Variants in ELP1 observed in about 807,000 individuals in gnomAD.
ELP1 encodes the protein elongator acetyltransferase complex subunit 1.
Under a neutral mutation model 183.2 loss-of-function variants are expected in ELP1, and 131 were observed. The ratio of observed to expected loss-of-function variants is 0.72; its 90% CI spans 0.62 to 0.83. The LOEUF is 0.83. Ranked by LOEUF, ELP1 falls within the 40% of genes least tolerant of loss-of-function variation. ELP1 has a pLI of 0.00. For missense variants in ELP1, 1,550 were observed against 1,594.9 expected (o/e 0.97, Z 0.48); for synonymous variants, 555 against 569.0 (o/e 0.98, Z 0.35).
At chr9:108,904,617 C>A (rs147281868) in intron 14 of ELP1, among the ~76,000 whole-genome samples, 56 of 152,274 alleles carry the variant, frequency 3.7e-4, no homozygotes, top group Middle Eastern at 3.4e-3. Context: ...AACTCTGGAG[C>A]TAGACTCGCT....
At chr9:108,929,423 T>G (rs1829924418) in intron 3 of ELP1, among the ~76,000 whole-genome samples, 1 of 152,070 alleles carries the variant, frequency 6.6e-6, no homozygotes, top group South Asian at 2.1e-4. Context: ...AAACAAAGAC[T>G]TCCTAAATTG....
chr9:108,883,332 T>A (rs530937335), intron 29 of ELP1, among the ~76,000 whole-genome samples: 1 of 152,258 alleles, frequency 6.6e-6, no homozygotes, highest in East Asian at 1.9e-4. Flanking sequence ...CCTGGCTAAT[T>A]GTGTTTTTAT....
At chr9:108,929,582 T>C (rs1344713048) in intron 3 of ELP1, among the ~76,000 whole-genome samples, 187 bp downstream of exon 3, 1 of 152,226 alleles carries the variant, frequency 6.6e-6, no homozygotes, top group East Asian at 1.9e-4. Context: ...CAAAACTCAG[T>C]TTTAGAAGAA....
intron 35 of ELP1, 76 bp from the exon 36 acceptor site, chr9:108,875,046 C>A: frequency 1.0e-6 from 1 of 962,670 alleles, no homozygotes; most frequent in South Asian, 1.3e-5. Context: ...GGCCAAATCC[C>A]TACCCCCAGA....
At chr9:108,877,900 T>A in intron 35 of ELP1, 95 bp downstream of exon 35, 1 of 1,308,558 alleles carries the variant, frequency 7.6e-7, no homozygotes, top group Non-Finnish European at 1.1e-6. Context: ...TCTTATGTTT[T>A]AAGAACAGGA....
At chr9:108,908,979 C>A (rs114457708) in intron 12 of ELP1, among the ~76,000 whole-genome samples, 1,747 of 152,184 alleles carry the variant, frequency 0.011, 41 homozygotes, top group African/African-American at 0.039. Context: ...ACAGGCACTT[C>A]GGTGGTTGCT....
intron 35 of ELP1, among the ~76,000 whole-genome samples, chr9:108,877,537 C>A (rs1827747331): frequency 6.6e-6 from 1 of 152,160 alleles, no homozygotes; most frequent in South Asian, 2.1e-4. Flanking sequence ...GCCTTAAACA[C>A]AACCCGCAAA....
intron 28 of ELP1, among the ~76,000 whole-genome samples, chr9:108,890,038 C>A (rs1408152571): frequency 1.3e-5 from 2 of 152,102 alleles, no homozygotes; most frequent in Non-Finnish European, 2.9e-5. Context: ...CCTACTTTTG[C>A]TAAACATCTG....
intron 10 of ELP1, among the ~76,000 whole-genome samples, chr9:108,912,934 G>A (rs1405269619): frequency 7.7e-6 from 1 of 129,938 alleles, no homozygotes; most frequent in Non-Finnish European, 1.7e-5. Context: ...TTTTTTTTTT[G>A]TATTTTTAGT....
chr9:108,922,800 T>C (rs778165111), intron 6 of ELP1, 42 bp downstream of exon 6: 69 of 1,486,560 alleles, frequency 4.6e-5, no homozygotes, highest in Non-Finnish European at 6.4e-5. Flanking sequence ...CAAACTTACA[T>C]TTGTTCCAGT....
intron 22 of ELP1, among the ~76,000 whole-genome samples, chr9:108,897,647 A>G (rs1828609143): frequency 6.6e-6 from 1 of 152,246 alleles, no homozygotes; most frequent in Admixed American, 6.5e-5. Flanking sequence ...GAATGAAAAC[A>G]GCTTTATGCA....
chr9:108,878,502 G>T (rs1827786087), intron 34 of ELP1, 121 bp downstream of exon 34: 1 of 1,329,706 alleles, frequency 7.5e-7, no homozygotes, highest in Admixed American at 1.7e-5. Flanking sequence ...CCTGCTAAAA[G>T]TTCTCATCTT....
intron 13 of ELP1, among the ~76,000 whole-genome samples, chr9:108,906,965 G>A (rs143561686): frequency 1.4e-4 from 22 of 152,218 alleles, no homozygotes; most frequent in African/African-American, 4.6e-4. Flanking sequence ...CCTGACCAGC[G>A]CACTGTTCTT....
rs150680614 is a variant in ELP1 at position 108,875,457 on chromosome 9, C to T, written c.3856-487G>A. On this transcript the variant is annotated intron_variant, in intron 35 of 36. Coordinates refer to ENST00000374647, the MANE Select transcript of ELP1 (RefSeq NM_003640.5). ...CTCCGCAGGAATTTCAAGCCTGCAG[C>T]GAGCCTCTGGGCACACCCCTGGTTA... Among the ~76,000 whole-genome samples the T allele has an allele frequency of 6.3e-4, 96 of 152,336 alleles. No homozygotes were observed. In the East Asian group the frequency reaches 0.015, roughly 24 times the overall value.
At chr9:108,894,151 C>A in intron 25 of ELP1, 85 bp from the exon 26 acceptor site, 1 of 768,196 alleles carries the variant, frequency 1.3e-6, no homozygotes. Flanking sequence ...AGCAATAAAC[C>A]CAAAGCTACA....
chr9:108,870,066 C>T (rs1827388325), intron 36 of ELP1, among the ~76,000 whole-genome samples: 1 of 152,124 alleles, frequency 6.6e-6, no homozygotes, highest in Non-Finnish European at 1.5e-5. Context: ...GCCTCGACCC[C>T]CTGGGTTCAA....
At chr9:108,878,248 C>A in intron 34 of ELP1, 99 bp from the exon 35 acceptor site, 1 of 930,590 alleles carries the variant, frequency 1.1e-6, no homozygotes, top group East Asian at 2.5e-5. Flanking sequence ...TTCTATGATC[C>A]CACTGCAGGT....
At chr9:108,927,574 T>C in intron 3 of ELP1, 121 bp from the exon 4 acceptor site, 2 of 773,272 alleles carry the variant, frequency 2.6e-6, no homozygotes, top group Non-Finnish European at 4.6e-6. Flanking sequence ...ATGGAAGAGA[T>C]ATCTGCACTC....
At chr9:108,912,113 C>T (rs527714115) in intron 11 of ELP1, 151 bp downstream of exon 11, 1 of 708,954 alleles carries the variant, frequency 1.4e-6, no homozygotes, top group South Asian at 1.5e-5. Context: ...GAGAACATAC[C>T]CCACCTTATA....
Sources: gnomAD v4.1 joint callset for allele counts (sites outside exome capture counted in the v4.1 genomes callset) on GRCh38, gnomAD v4.1.1 for gene constraint, MANE v1.5 for transcripts, NCBI Gene and HGNC (gene_info 2026-07-23, HGNC 2026-07-21) for gene names.